The following COMMD5 variants were observed in gnomAD, a reference collection of about 807,000 sequenced individuals.
COMMD5 encodes the protein COMM domain-containing protein 5.
A neutral mutation model predicts 6.9 loss-of-function variants in COMMD5; 10 were observed. That is an observed-to-expected ratio of 1.44 (90% CI 0.89 to 2.45). COMMD5 has a LOEUF of 2.45. Ranked by LOEUF, COMMD5 falls within the 30% of genes most tolerant of loss-of-function variation. COMMD5 has a pLI of 0.00. For missense variants in COMMD5, 234 were observed against 287.8 expected, an observed-to-expected ratio of 0.81 and a Z score of 1.35; for synonymous variants, 127 against 125.3, an observed-to-expected ratio of 1.01 and a Z score of -0.09.
At chr8:144,841,162 A>AGATCT in exon 2 of COMMD5, 1 of 622,586 alleles carries the variant, frequency 1.6e-6, no homozygotes, top group African/African-American at 1.8e-5. Context: ...GAATGAGTGA[A>AGATCT]CAAGGTAAAA....
At chr8:144,843,579 C>T (rs1344699973) in intron 1 of COMMD5, 2 of 97,014 alleles carry the variant, frequency 2.1e-5, no homozygotes, top group Admixed American at 1.3e-4. Context: ...CAGAGTGAGA[C>T]TCCCTCTCAA....
At chr8:144,846,067 C>T (rs1030644203), downstream of COMMD5, 2 of 1,536,422 alleles carry the variant, frequency 1.3e-6, no homozygotes, top group East Asian at 2.4e-5. Context: ...CAAAACACTG[C>T]TCACAAAGAC....
At chr8:144,849,726 G>A (rs554935918), downstream of COMMD5, among the ~76,000 whole-genome samples, 13 of 152,182 alleles carry the variant, frequency 8.5e-5, no homozygotes, top group South Asian at 2.5e-3. Flanking sequence ...AGAGGCACCC[G>A]GGAGAGGTCC....
rs187838826 is a variant in COMMD5, at chr8:144,844,573, G to A, written c.*117-2830C>T. Among the ~76,000 whole-genome samples the A allele has an allele frequency of 6.2e-3, 936 of 152,118 alleles. 6 individuals are homozygous for A. Among genetic ancestry groups the A allele is most frequent in the Admixed American group, 0.01 (159 of 15,272 alleles). On this transcript the variant is annotated intron_variant and NMD_transcript_variant, in intron 1 of 1. Coordinates refer to the COMMD5 transcript ENST00000530332. ...AAAATACAAAAAATTAGCCGGGCGT[G>A]GTGGCGGGCACCTGTAGTCTCAGCT...
downstream of COMMD5, chr8:144,838,282 CTAAT>C (rs1408988384): frequency 5.9e-5 from 35 of 591,544 alleles, no homozygotes; most frequent in East Asian, 1.1e-4. Context: ...CTCATGGTGA[CTAAT>C]TAATCTGCAA....
At chr8:144,845,952 G>A (rs144145548), downstream of COMMD5, 102 of 1,534,912 alleles carry the variant, frequency 6.6e-5, no homozygotes, top group African/African-American at 1.3e-3. Context: ...TAGCACAGGG[G>A]TTGCTGTTGC....
At position 144,851,405 on chromosome 8, in the gene COMMD5, G is replaced by C. The variant is rs1830739705; in HGVS notation, c.-57-10C>G. On this transcript the variant is annotated splice_polypyrimidine_tract_variant and intron_variant, in intron 1 of 1. Coordinates refer to ENST00000305103, the MANE Select transcript of COMMD5 (RefSeq NM_014066.4). ...TCCCAGATGCAGATGCCTAGAGTGG[G>C]GTGGAGGAGAGAAGACCAGTGACTC... 1.3e-6 allele frequency: 2 copies of C among 1,528,188 alleles called. No individual in the cohort carries two copies. Among genetic ancestry groups the C allele is most frequent in the Admixed American group, 1.9e-5 (1 of 52,418 alleles). The allele number at this position is 1,528,188 out of a possible 1,614,324, so 94.7% of individuals were successfully genotyped here.
At chr8:144,841,606 G>C in exon 2 of COMMD5, 1 of 1,614,176 alleles carries the variant, frequency 6.2e-7, no homozygotes, top group East Asian at 2.2e-5. Context: ...CACCAAGGAC[G>C]CACCCCAGGG....
At chr8:144,838,213 A>C (rs770769794), downstream of COMMD5, 53 of 694,690 alleles carry the variant, frequency 7.6e-5, no homozygotes, top group Middle Eastern at 2.3e-4. Context: ...GTCTGTGTTC[A>C]TGTGGCCATC....
downstream of COMMD5, chr8:144,838,179 C>T (rs1188312743): frequency 2.1e-5 from 15 of 702,062 alleles, no homozygotes; most frequent in Non-Finnish European, 3.6e-5. Flanking sequence ...CCGACTCCTT[C>T]ACACGGCTGC....
At chr8:144,838,222 TCTC>T (rs1248473909), downstream of COMMD5, 2 of 690,058 alleles carry the variant, frequency 2.9e-6, no homozygotes, top group South Asian at 1.5e-5. Context: ...CATGTGGCCA[TCTC>T]CTTAGAAGGA....
chr8:144,842,529 T>C (rs148588579), intron 1 of COMMD5: 1 of 1,614,192 alleles, frequency 6.2e-7, no homozygotes, highest in African/African-American at 1.3e-5. Context: ...GTGATGAGTG[T>C]GGCAAAGGCT....
At position 144,844,130 on chromosome 8, in the gene COMMD5, A is replaced by G. The variant is rs2954676; in HGVS notation, c.*117-2387T>C. ...AGGGGCTTGCTGTGTGACCTAGGAC[A>G]TCATTGCCCTCCCTGAAACTCAGAG... On this transcript the variant is annotated intron_variant and NMD_transcript_variant, in intron 1 of 1. Transcript: ENST00000530332. Among the ~76,000 whole-genome samples, 820 of 152,312 alleles carry G rather than the reference A, an allele frequency of 5.4e-3. 13 individuals are homozygous for G. Among genetic ancestry groups the G allele is most frequent in the African/African-American group, 0.019 (779 of 41,570 alleles).
chr8:144,838,196 C>T, downstream of COMMD5: 1 of 699,748 alleles, frequency 1.4e-6, no homozygotes, highest in Non-Finnish European at 2.6e-6. Context: ...CTGCCTTCTC[C>T]CTGCGTGTCT....
chr8:144,844,431 C>T (rs1289935615), intron 1 of COMMD5, among the ~76,000 whole-genome samples: 4 of 152,104 alleles, frequency 2.6e-5, no homozygotes, highest in Non-Finnish European at 5.9e-5. Flanking sequence ...CGAAAATGGG[C>T]CGGGCGTGGT....
At chr8:144,842,984 A>G (rs1386600637) in intron 1 of COMMD5, 1 of 1,614,106 alleles carries the variant, frequency 6.2e-7, no homozygotes, top group African/African-American at 1.3e-5. Flanking sequence ...AGCCGTAAAA[A>G]GGTTAATACT....
downstream of COMMD5, among the ~76,000 whole-genome samples, chr8:144,840,367 G>C (rs1471432581): frequency 3.3e-5 from 5 of 152,252 alleles, no homozygotes. Flanking sequence ...CAATGGTTAG[G>C]AGTGGGCAGG....
chr8:144,843,278 C>A, intron 1 of COMMD5: 1 of 1,320,984 alleles, frequency 7.6e-7, no homozygotes, highest in Non-Finnish European at 1.0e-6. Flanking sequence ...GGTAAAGGTT[C>A]AGAATTGCTC....
intron 1 of COMMD5, chr8:144,843,085 A>G: frequency 1.2e-6 from 2 of 1,613,214 alleles, no homozygotes; most frequent in Non-Finnish European, 1.7e-6. Flanking sequence ...CACCGGGGAG[A>G]AGCCTTATAA....
Sources: gnomAD v4.1 joint callset for allele counts (sites outside exome capture counted in the v4.1 genomes callset) on GRCh38, gnomAD v4.1.1 for gene constraint, MANE v1.5 for transcripts, NCBI Gene and HGNC (gene_info 2026-07-23, HGNC 2026-07-21) for gene names.